Variants in MYO16 observed in about 807,000 individuals in gnomAD.
MYO16 encodes myosin XVI, also known as unconventional myosin-XVI.
MYO16 carries 94 observed loss-of-function variants against 205.3 expected under a neutral mutation model. That is an observed-to-expected ratio of 0.46 (90% CI 0.39 to 0.54). The LOEUF is 0.54. Among genes scored for constraint, MYO16 ranks in the 20% least tolerant of loss-of-function variants. The pLI, the probability that MYO16 is intolerant of heterozygous loss-of-function variation, is 0.00. For missense variants in MYO16, 2,315 were observed against 2,387.5 expected, an observed-to-expected ratio of 0.97 and a Z score of 0.63; for synonymous variants, 988 against 954.0, an observed-to-expected ratio of 1.04 and a Z score of -0.66.
intron 1 of MYO16, among the ~76,000 whole-genome samples, chr13:108,602,905 G>A (rs1878817650): frequency 6.6e-6 from 1 of 152,168 alleles, no homozygotes; most frequent in Non-Finnish European, 1.5e-5. Context: ...AACAGGTATG[G>A]AAAAGCATAT....
At chr13:108,508,479 A>T in the MYO16 span, among the ~76,000 whole-genome samples, 1 of 149,904 alleles carries the variant, frequency 6.7e-6, no homozygotes, top group African/African-American at 2.5e-5. Context: ...TTGCTGCTTC[A>T]GCAAGCCAAC....
At chr13:109,112,753 A>G (rs1889328509) in intron 28 of MYO16, among the ~76,000 whole-genome samples, 1 of 152,210 alleles carries the variant, frequency 6.6e-6, no homozygotes, top group African/African-American at 2.4e-5. Flanking sequence ...CCAAAAAAAA[A>G]ATAATTTTTG....
At chr13:108,890,489 C>T (rs988854519) in intron 14 of MYO16, among the ~76,000 whole-genome samples, 5 of 152,256 alleles carry the variant, frequency 3.3e-5, no homozygotes, top group East Asian at 1.9e-4. Context: ...CAGGCCCTGT[C>T]GCTCCCCAGA....
chr13:108,530,933 G>GT, the MYO16 span, among the ~76,000 whole-genome samples: 143 of 151,460 alleles, frequency 9.4e-4, no homozygotes, highest in South Asian at 2.9e-3. Context: ...TTTGTTTATG[G>GT]TTTTTTTTCA....
At chr13:109,003,482 A>AAG (rs956868197) in intron 21 of MYO16, among the ~76,000 whole-genome samples, 2 of 152,182 alleles carry the variant, frequency 1.3e-5, no homozygotes, top group African/African-American at 4.8e-5. Flanking sequence ...TTGATTGACC[A>AAG]AGAGAGGAAT....
At chr13:108,983,637 A>C (rs1157512367) in intron 20 of MYO16, among the ~76,000 whole-genome samples, 2 of 152,178 alleles carry the variant, frequency 1.3e-5, no homozygotes, top group Non-Finnish European at 2.9e-5. Flanking sequence ...CTGTGAGCGG[A>C]AGCAGGCAAG....
chr13:108,988,534 A>G (rs1437543404), intron 20 of MYO16, among the ~76,000 whole-genome samples: 1 of 152,110 alleles, frequency 6.6e-6, no homozygotes, highest in Non-Finnish European at 1.5e-5. Flanking sequence ...AATGTATGCC[A>G]CTCTAAATTA....
At chr13:108,655,057 T>C (rs1216131473) in intron 1 of MYO16, among the ~76,000 whole-genome samples, 2 of 152,172 alleles carry the variant, frequency 1.3e-5, no homozygotes, top group Non-Finnish European at 2.9e-5. Context: ...TGAGAAGAAA[T>C]TCAAGCTGAC....
At chr13:108,640,800 G>A (rs899454854) in intron 1 of MYO16, among the ~76,000 whole-genome samples, 1 of 152,154 alleles carries the variant, frequency 6.6e-6, no homozygotes, top group African/African-American at 2.4e-5. Context: ...AACCATAAGA[G>A]CAACAAGACA....
chr13:109,198,838 C>A lies in MYO16; in HGVS notation c.5416-7771C>A, dbSNP rs114135283. On this transcript the variant is annotated intron_variant, in intron 34 of 34. Coordinates refer to ENST00000457511, the MANE Select transcript of MYO16 (RefSeq NM_001198950.3). ...CCCACTTTACAGGTGATGAAGCCAG[C>A]GAATGCTTGTTCAGCATTGCACAAG... Among the ~76,000 whole-genome samples the A allele has an allele frequency of 7.3e-3, 1,113 of 152,202 alleles. 8 individuals carry two copies. Among genetic ancestry groups the A allele is most frequent in the African/African-American group, 0.025 (1,031 of 41,540 alleles).
chr13:108,876,638 T>A (rs1204521184), intron 12 of MYO16, among the ~76,000 whole-genome samples: 2 of 151,722 alleles, frequency 1.3e-5, no homozygotes, highest in Non-Finnish European at 2.9e-5. Flanking sequence ...ATATTTTAAT[T>A]AACTCATAAC....
At chr13:109,052,788 G>A (rs145629836) in intron 25 of MYO16, among the ~76,000 whole-genome samples, 2,696 of 152,144 alleles carry the variant, frequency 0.018, 78 homozygotes, top group Admixed American at 0.078. Context: ...GATACTGTAG[G>A]CTTAGAGGGA....
chr13:108,790,539 C>G (rs1035105022), intron 5 of MYO16, among the ~76,000 whole-genome samples: 3 of 152,050 alleles, frequency 2.0e-5, no homozygotes, highest in African/African-American at 7.2e-5. Flanking sequence ...TGAGAATGGA[C>G]CCATTATCCG....
intron 12 of MYO16, among the ~76,000 whole-genome samples, chr13:108,871,095 A>T (rs1879030781): frequency 6.6e-6 from 1 of 151,978 alleles, no homozygotes; most frequent in Admixed American, 6.6e-5. Context: ...CATATTTTAA[A>T]TTCTCTTTTC....
intron 4 of MYO16, among the ~76,000 whole-genome samples, chr13:108,765,608 T>C (rs1885753410): frequency 6.6e-6 from 1 of 152,206 alleles, no homozygotes; most frequent in South Asian, 2.1e-4. Flanking sequence ...GTATGGAGGA[T>C]GGGATGGCTC....
chr13:108,616,476 G>A (rs541373859), intron 1 of MYO16, among the ~76,000 whole-genome samples: 3 of 152,092 alleles, frequency 2.0e-5, no homozygotes, highest in African/African-American at 7.2e-5. Context: ...GCTCTTCCTC[G>A]GCCGTTTAGT....
intron 5 of MYO16, among the ~76,000 whole-genome samples, chr13:108,786,841 A>G (rs1407369118): frequency 1.3e-5 from 2 of 152,074 alleles, no homozygotes; most frequent in Non-Finnish European, 2.9e-5. Context: ...TCAGTTGACC[A>G]CTCTGCAGCT....
chr13:108,649,019 TA>T (rs570865450), intron 1 of MYO16, among the ~76,000 whole-genome samples: 2 of 140,158 alleles, frequency 1.4e-5, no homozygotes, highest in East Asian at 2.1e-4. Flanking sequence ...GAGAGGGCAT[TA>T]AAAAAATATT....
chr13:108,708,528 C>T (rs1465073642), intron 2 of MYO16, among the ~76,000 whole-genome samples: 10 of 152,196 alleles, frequency 6.6e-5, no homozygotes, highest in Admixed American at 6.5e-4. Context: ...CCAGGTTTAC[C>T]AATTGCTAAC....
Sources: gnomAD v4.1 joint callset for allele counts (sites outside exome capture counted in the v4.1 genomes callset) on GRCh38, gnomAD v4.1.1 for gene constraint, MANE v1.5 for transcripts, NCBI Gene and HGNC (gene_info 2026-07-23, HGNC 2026-07-21) for gene names.